The following PRKN variants were observed in gnomAD, a reference collection of about 807,000 sequenced individuals.
PRKN encodes the protein E3 ubiquitin-protein ligase parkin.
PRKN carries 56 observed loss-of-function variants against 59.5 expected under a neutral mutation model. The ratio of observed to expected loss-of-function variants is 0.94; its 90% CI spans 0.76 to 1.18. The LOEUF (loss-of-function observed/expected upper bound fraction) is 1.18, where lower values mean the gene tolerates loss of function less well. PRKN is among the 50% of genes most tolerant of loss of function. The probability of loss-of-function intolerance (pLI) is 0.00; values close to 1 mark genes in which losing one functional copy is unlikely to be tolerated. For missense variants in PRKN, 657 were observed against 596.4 expected, an observed-to-expected ratio of 1.10 and a Z score of -1.06; for synonymous variants, 250 against 222.1, an observed-to-expected ratio of 1.13 and a Z score of -1.12.
intron 2 of PRKN, among the ~76,000 whole-genome samples, chr6:162,406,347 A>G (rs1169325248): frequency 1.3e-5 from 2 of 152,186 alleles, no homozygotes; most frequent in Non-Finnish European, 2.9e-5. Flanking sequence ...CACTGTGCAT[A>G]CTGCATGAAC....
intron 2 of PRKN, among the ~76,000 whole-genome samples, chr6:162,293,079 T>C (rs1781515555): frequency 6.6e-6 from 1 of 152,188 alleles, no homozygotes; most frequent in Non-Finnish European, 1.5e-5. Context: ...GCCAGATGTT[T>C]AGCATCCTGG....
At chr6:161,474,267 A>G (rs1721586366) in intron 9 of PRKN, among the ~76,000 whole-genome samples, 1 of 152,220 alleles carries the variant, frequency 6.6e-6, no homozygotes, top group Non-Finnish European at 1.5e-5. Context: ...ATGGCTCTTC[A>G]TAACTCTTAC....
rs2115159840 is a variant in PRKN at position 161,460,089 on chromosome 6, A to T, written c.1084-73212T>A. Among the ~76,000 whole-genome samples the T allele has an allele frequency of 6.6e-6, 1 of 152,346 alleles. No homozygotes were observed. The highest frequency in any genetic ancestry group is 2.4e-5 in the African/African-American group (1 of 41,584). On this transcript the variant is annotated intron_variant, in intron 9 of 11. Coordinates refer to ENST00000366898, the MANE Select transcript of PRKN (RefSeq NM_004562.3). The surrounding 1 kb of genome is among the most constrained non-coding windows in gnomAD (Gnocchi z 5.0). The stretch of plus-strand genomic sequence containing the variant: ...CCACAGGGTGAAGCAGGCATGGTGC[A>T]GGAATAGTACGAACAAATATAAACA...
intron 9 of PRKN, among the ~76,000 whole-genome samples, chr6:161,491,532 C>T (rs9355905): frequency 6.6e-6 from 1 of 151,806 alleles, no homozygotes; most frequent in Non-Finnish European, 1.5e-5. Flanking sequence ...TCAGTGCTGG[C>T]ATATTAGGTA....
chr6:162,403,070 C>A (rs1787877539), intron 2 of PRKN, among the ~76,000 whole-genome samples: 1 of 152,182 alleles, frequency 6.6e-6, no homozygotes, highest in Non-Finnish European at 1.5e-5. Flanking sequence ...TTCTCACTCC[C>A]AGATTTATAT....
At chr6:161,955,070 G>C (rs984740918) in intron 6 of PRKN, among the ~76,000 whole-genome samples, 1 of 152,200 alleles carries the variant, frequency 6.6e-6, no homozygotes, top group Non-Finnish European at 1.5e-5. Context: ...AGCAGTCTCG[G>C]AGGAAGTCAT....
chr6:161,349,777 G>A lies in PRKN; in HGVS notation c.*322C>T. 2.1e-6 allele frequency: 1 copy of A among 477,618 alleles called. No individual in the cohort carries two copies. The highest frequency in any genetic ancestry group is 3.7e-5 in the East Asian group (1 of 27,262). 29.6% of individuals were successfully genotyped at this position (477,618 alleles called of 1,614,324 possible). A position where few individuals can be genotyped will look rare whatever the true frequency, so the allele number is the denominator to read the frequency against. On this transcript the variant is annotated 3_prime_UTR_variant, in exon 12 of 12. Coordinates refer to ENST00000366898, the MANE Select transcript of PRKN (RefSeq NM_004562.3). This position sits in a 1 kb window ranked among gnomAD's most constrained non-coding sequence, Gnocchi z 5.5. ...AGATACATGGATTGCACTTGAATCT[G>A]TGCTCTGGTATTTGTGTCATCCGGA...
chr6:161,742,464 G>C (rs375899845), intron 7 of PRKN, among the ~76,000 whole-genome samples: 17 of 152,168 alleles, frequency 1.1e-4, no homozygotes, highest in African/African-American at 4.1e-4. Context: ...CATGAGAACA[G>C]ACTAATACAC....
At chr6:162,563,330 A>T (rs1051939929) in intron 1 of PRKN, among the ~76,000 whole-genome samples, 1 of 151,482 alleles carries the variant, frequency 6.6e-6, no homozygotes, top group Non-Finnish European at 1.5e-5. Flanking sequence ...AAAAAAAAAA[A>T]CAAAAAAAGA....
intron 1 of PRKN, among the ~76,000 whole-genome samples, chr6:162,573,359 T>C (rs1780429809): frequency 6.6e-6 from 1 of 152,190 alleles, no homozygotes; most frequent in Admixed American, 6.5e-5. Flanking sequence ...TTTGGAGATC[T>C]TTCTGGCTCT....
chr6:162,593,673 G>T (rs1392851551), intron 1 of PRKN, among the ~76,000 whole-genome samples: 1 of 152,116 alleles, frequency 6.6e-6, no homozygotes, highest in Non-Finnish European at 1.5e-5. Context: ...GAGCCAGCGG[G>T]CCCAGAGGAA....
At chr6:161,647,252 T>C (rs948889991) in intron 7 of PRKN, among the ~76,000 whole-genome samples, 3 of 152,216 alleles carry the variant, frequency 2.0e-5, no homozygotes, top group African/African-American at 7.2e-5. Flanking sequence ...CCAACTGTTA[T>C]CTTCTGAACA....
chr6:162,622,269 CTAT>C (rs1402942657), intron 1 of PRKN, among the ~76,000 whole-genome samples: 1 of 150,516 alleles, frequency 6.6e-6, no homozygotes, highest in African/African-American at 2.4e-5. Context: ...GCCTTTACAG[CTAT>C]TATTTCCTTT....
intron 1 of PRKN, among the ~76,000 whole-genome samples, chr6:162,553,542 C>CAAAA (rs57807120): frequency 4.4e-5 from 5 of 114,542 alleles, no homozygotes; most frequent in East Asian, 8.0e-4. Flanking sequence ...TGTTTACTAC[C>CAAAA]AAAAAAAAAA....
intron 2 of PRKN, among the ~76,000 whole-genome samples, chr6:162,375,997 G>A (rs1490812446): frequency 6.6e-6 from 1 of 152,104 alleles, no homozygotes; most frequent in Non-Finnish European, 1.5e-5. Flanking sequence ...TCCCTGGGAA[G>A]CTTCCATGCT....
chr6:161,766,305 A>C (rs1351986769), intron 7 of PRKN, among the ~76,000 whole-genome samples: 4 of 122,414 alleles, frequency 3.3e-5, no homozygotes, highest in Non-Finnish European at 7.0e-5. Context: ...GCCTGCTGTC[A>C]TTGACCACAT....
Position 161,759,706 on chromosome 6 carries a change from G to A in PRKN, c.871+26066C>T, listed in dbSNP as rs140756540. ...TCACTTAATTGCTAGATCCTTCCAC[G>A]CAGTTTTCCCATTGTCTGGCTTCCA... On this transcript the variant is annotated intron_variant, in intron 7 of 11. Transcript: ENST00000366898. 3.4e-3 allele frequency among the ~76,000 whole-genome samples: 521 copies of A among 152,124 alleles called. 6 individuals are homozygous for A. Among genetic ancestry groups the A allele is most frequent in the African/African-American group, 0.012 (491 of 41,488 alleles).
chr6:161,494,876 C>T (rs896515511), intron 9 of PRKN, among the ~76,000 whole-genome samples: 1 of 152,154 alleles, frequency 6.6e-6, no homozygotes, highest in Non-Finnish European at 1.5e-5. Context: ...CCCAGCCTTT[C>T]CCCAGTCTTC....
chr6:162,235,491 T>C (rs1368359195), intron 3 of PRKN, among the ~76,000 whole-genome samples: 1 of 152,110 alleles, frequency 6.6e-6, no homozygotes, highest in Non-Finnish European at 1.5e-5. Flanking sequence ...TCTGAGCCCC[T>C]GGAAAACAAT....
Sources: gnomAD v4.1 joint callset for allele counts (sites outside exome capture counted in the v4.1 genomes callset) on GRCh38, gnomAD v4.1.1 for gene constraint, Gnocchi (gnomAD v3.1) non-coding constraint, MANE v1.5 for transcripts, NCBI Gene and HGNC (gene_info 2026-07-23, HGNC 2026-07-21) for gene names.